CLPB: variants seen among roughly 807,000 people sequenced by gnomAD.
CLPB encodes the protein ClpB family mitochondrial disaggregase.
In CLPB, 40 loss-of-function variants were observed where a neutral mutation model predicts 78.4. The ratio of observed to expected loss-of-function variants is 0.51; its 90% CI spans 0.40 to 0.66. The LOEUF is 0.66. Among genes scored for constraint, CLPB ranks in the 30% least tolerant of loss-of-function variants. The probability of loss-of-function intolerance (pLI) is 0.00; values close to 1 mark genes in which losing one functional copy is unlikely to be tolerated. For missense variants in CLPB, 780 were observed against 886.9 expected, an observed-to-expected ratio of 0.88 and a Z score of 1.53; for synonymous variants, 333 against 348.0, an observed-to-expected ratio of 0.96 and a Z score of 0.48.
chr11:72,352,067 T>C (rs1950624122), intron 5 of CLPB, among the ~76,000 whole-genome samples: 1 of 152,172 alleles, frequency 6.6e-6, no homozygotes, highest in African/African-American at 2.4e-5. Flanking sequence ...GGTTAAGCAC[T>C]ACCCTGACTT....
intron 2 of CLPB, 34 bp from the exon 3 acceptor site, chr11:72,403,086 G>A: frequency 6.3e-7 from 1 of 1,586,410 alleles, no homozygotes; most frequent in Non-Finnish European, 8.6e-7. Context: ...TTCAGTGTAT[G>A]GCTTGACATC....
chr11:72,433,584 TAAA>T (rs1856611257), intron 1 of CLPB, among the ~76,000 whole-genome samples: 2 of 147,416 alleles, frequency 1.4e-5, no homozygotes, highest in African/African-American at 2.5e-5. Context: ...AATAAATAAA[TAAA>T]TAAATTGAGG....
Position 72,293,360 on chromosome 11 carries a change from G to A in CLPB, c.*7C>T, listed in dbSNP as rs1426457755. ...GGTGAGGGCACATAGGAGCAGGCAG[G>A]TGGCTGCTAGATGGTGTTGCACACC... On this transcript the variant is annotated 3_prime_UTR_variant, in exon 16 of 16. Coordinates refer to ENST00000538039, the MANE Select transcript of CLPB (RefSeq NM_001258392.3). The A allele has an allele frequency of 1.2e-6, 2 of 1,611,856 alleles. No homozygotes were observed. Among genetic ancestry groups the A allele is most frequent in the Non-Finnish European group, 1.7e-6 (2 of 1,178,166 alleles).
At chr11:72,425,280 G>A (rs1159065198) in intron 2 of CLPB, among the ~76,000 whole-genome samples, 1 of 152,134 alleles carries the variant, frequency 6.6e-6, no homozygotes, top group Non-Finnish European at 1.5e-5. Context: ...AAGAGGGCAG[G>A]GACTGTGCCA....
In CLPB at chr11:72,430,392, C is replaced by A. The variant is rs2135168419; in HGVS notation, c.404-29G>T. 4 of 1,608,892 alleles carry A rather than the reference C, an allele frequency of 2.5e-6. No individual in the cohort carries two copies. In the East Asian group the frequency reaches 6.7e-5, roughly 27 times the overall value. On this transcript the variant is annotated intron_variant, in intron 1 of 15. Transcript: ENST00000538039. ...AAGAGAAAGGGGGCACTGGTCAGAT[C>A]CGCGGCCAGGACATACCCATCTCAG...
At chr11:72,316,847 C>T (rs566940034) in intron 7 of CLPB, among the ~76,000 whole-genome samples, 45 of 152,140 alleles carry the variant, frequency 3.0e-4, no homozygotes, top group Non-Finnish European at 4.1e-4. Flanking sequence ...AAAGCAGCCT[C>T]GAGCAAGTGA....
At chr11:72,335,309 G>GC (rs1950300286) in intron 5 of CLPB, among the ~76,000 whole-genome samples, 1 of 152,172 alleles carries the variant, frequency 6.6e-6, no homozygotes, top group Non-Finnish European at 1.5e-5. Flanking sequence ...TTGATTTGAC[G>GC]CAATTATTGA....
intron 4 of CLPB, among the ~76,000 whole-genome samples, chr11:72,364,892 G>C (rs1188787531): frequency 6.6e-6 from 1 of 152,202 alleles, no homozygotes; most frequent in Non-Finnish European, 1.5e-5. Flanking sequence ...TATCTCACAA[G>C]AGTCAATGGC....
At position 72,428,355 on chromosome 11, in the gene CLPB, CA is replaced by C. The variant is rs1157873632; in HGVS notation, c.455+1956del. On this transcript the variant is annotated intron_variant, in intron 2 of 15. Transcript: ENST00000538039. ...GCCTTAACTGGGTCATTCCCCTGCT[CA>C]AAAACTTCCCACGTCTCCCCACTGT... 2.6e-4 allele frequency among the ~76,000 whole-genome samples: 39 copies of C among 152,204 alleles called. 2 individuals are homozygous for C. The highest frequency in any genetic ancestry group is 2.6e-3 in the Admixed American group (39 of 15,278).
intron 2 of CLPB, among the ~76,000 whole-genome samples, chr11:72,404,560 T>C (rs551397526): frequency 2.8e-4 from 43 of 152,274 alleles, no homozygotes; most frequent in Non-Finnish European, 8.8e-5. Context: ...GCACATCTCA[T>C]GAGTGATATG....
intron 2 of CLPB, among the ~76,000 whole-genome samples, chr11:72,414,116 T>C (rs1855954145): frequency 6.6e-6 from 1 of 152,140 alleles, no homozygotes; most frequent in Non-Finnish European, 1.5e-5. Context: ...GGATCCTCTA[T>C]AGCAAACATC....
At chr11:72,402,391 A>T (rs1023091798) in intron 3 of CLPB, among the ~76,000 whole-genome samples, 1 of 152,240 alleles carries the variant, frequency 6.6e-6, no homozygotes, top group Non-Finnish European at 1.5e-5. Flanking sequence ...AAATGAGCAT[A>T]ATATATATTT....
intron 2 of CLPB, among the ~76,000 whole-genome samples, chr11:72,414,743 G>A (rs1299837583): frequency 6.6e-6 from 1 of 152,244 alleles, no homozygotes; most frequent in African/African-American, 2.4e-5. Flanking sequence ...CAGGTGCTCA[G>A]AGATGTTTAC....
At chr11:72,316,089 T>C (rs996310365) in intron 7 of CLPB, among the ~76,000 whole-genome samples, 3 of 152,162 alleles carry the variant, frequency 2.0e-5, no homozygotes, top group Non-Finnish European at 4.4e-5. Context: ...TGCAGTAACT[T>C]CCTTACAAAT....
chr11:72,313,308 C>T (rs1324745296), intron 7 of CLPB, among the ~76,000 whole-genome samples: 1 of 152,170 alleles, frequency 6.6e-6, no homozygotes. Flanking sequence ...TGAGTGGATA[C>T]TGATGCCTTG....
chr11:72,383,331 T>G (rs935122920), intron 3 of CLPB, among the ~76,000 whole-genome samples: 2 of 151,840 alleles, frequency 1.3e-5, no homozygotes, highest in Admixed American at 6.6e-5. Flanking sequence ...GAGACCATCC[T>G]GGCTAACACG....
chr11:72,290,413 C>A lies in CLPB; in HGVS notation c.*2954G>T, dbSNP rs1343774280. 6.6e-6 allele frequency: 1 copy of A among 151,990 alleles called. No individual in the cohort carries two copies. The highest frequency in any genetic ancestry group is 1.9e-4 in the East Asian group (1 of 5,190). The allele number at this position is 151,990 out of a possible 1,614,324, so 9.4% of individuals were successfully genotyped here. On this transcript the variant is annotated 3_prime_UTR_variant, in exon 16 of 16. Coordinates refer to ENST00000538039, the MANE Select transcript of CLPB (RefSeq NM_001258392.3). ...ACAGCTCTTCCTTATAGTAGAATAC[C>A]AATTAATAAATACAGGTAAAATAAT...
Position 72,292,911 on chromosome 11 carries a change from G to GTGGAGCCATTCTGGGGACTGAGT in CLPB, c.*433_*455dup, listed in dbSNP as rs565094402. 802 of 159,622 alleles carry GTGGAGCCATTCTGGGGACTGAGT rather than the reference G, an allele frequency of 5.0e-3. 3 individuals carry two copies. Among genetic ancestry groups the GTGGAGCCATTCTGGGGACTGAGT allele is most frequent in the South Asian group, 9.1e-3 (50 of 5,508 alleles). The allele number at this position is 159,622 out of a possible 1,614,324, so 9.9% of individuals were successfully genotyped here. ...CCTCTGAGCTCTTCCTCCACTCCCA[G>GTGGAGCCATTCTGGGGACTGAGT]TGGAGCCATTCTGGGGACTGAGTTG... On this transcript the variant is annotated 3_prime_UTR_variant, in exon 16 of 16. Coordinates refer to ENST00000538039, the MANE Select transcript of CLPB (RefSeq NM_001258392.3).
chr11:72,293,979 G>A, intron 15 of CLPB, 43 bp downstream of exon 15: 1 of 1,537,916 alleles, frequency 6.5e-7, no homozygotes, highest in Non-Finnish European at 8.9e-7. Flanking sequence ...GCCCTGGGGA[G>A]GGAGGTGTGG....
Sources: allele counts gnomAD v4.1 joint callset (sites outside exome capture counted in the v4.1 genomes callset), GRCh38; gene constraint gnomAD v4.1.1; transcripts MANE v1.5; gene names NCBI Gene and HGNC (gene_info 2026-07-23, HGNC 2026-07-21).